The following DAB1 variants were observed in gnomAD, a reference collection of about 807,000 sequenced individuals.
DAB1 encodes disabled homolog 1.
DAB1 carries 15 observed loss-of-function variants against 64.6 expected under a neutral mutation model. The ratio of observed to expected loss-of-function variants is 0.23; its 90% CI spans 0.16 to 0.36. The LOEUF (loss-of-function observed/expected upper bound fraction) is 0.36, where lower values mean the gene tolerates loss of function less well. DAB1 is among the 10% of genes least tolerant of loss of function. The probability of loss-of-function intolerance (pLI) is 1.00; values close to 1 mark genes in which losing one functional copy is unlikely to be tolerated. For synonymous variants in DAB1, 235 were observed against 251.9 expected (o/e 0.93, Z 0.64); for missense variants, 596 against 706.7 (o/e 0.84, Z 1.78).
intron 7 of DAB1, among the ~76,000 whole-genome samples, chr1:57,464,804 A>G (rs1472035946): frequency 6.6e-6 from 1 of 152,162 alleles, no homozygotes; most frequent in Non-Finnish European, 1.5e-5. Flanking sequence ...CATTTGTTGT[A>G]CTGCAGGGAA....
At chr1:57,279,710 C>T (rs999562752) in intron 2 of DAB1, among the ~76,000 whole-genome samples, 25 of 152,202 alleles carry the variant, frequency 1.6e-4, no homozygotes, top group African/African-American at 6.0e-4. Context: ...GCTGATTGTA[C>T]ATTTCAATTT....
intron 1 of DAB1, chr1:57,864,652 AAATT>A (rs920650211): frequency 2.1e-5 from 3 of 144,092 alleles, no homozygotes; most frequent in Non-Finnish European, 3.1e-5. Flanking sequence ...TTTTTTAAAA[AAATT>A]TATTTATTTA....
chr1:57,787,483 T>A (rs2101853042), intron 6 of DAB1, among the ~76,000 whole-genome samples: 1 of 152,108 alleles, frequency 6.6e-6, no homozygotes, highest in South Asian at 2.1e-4. Context: ...GGAAAAAACA[T>A]GACAAACTCA....
chr1:57,351,402 G>C (rs1678581443), intron 1 of DAB1, among the ~76,000 whole-genome samples: 1 of 152,088 alleles, frequency 6.6e-6, no homozygotes, highest in South Asian at 2.1e-4. Context: ...GCTGTATCAG[G>C]TTTTGAAACA....
intron 6 of DAB1, among the ~76,000 whole-genome samples, chr1:57,737,447 G>A (rs1053275712): frequency 2.6e-5 from 4 of 152,158 alleles, no homozygotes; most frequent in Admixed American, 6.5e-5. Flanking sequence ...CCCTTTGCAC[G>A]TCTCAGTTTC....
intron 2 of DAB1, among the ~76,000 whole-genome samples, chr1:57,218,767 G>A (rs546492913): frequency 1.3e-5 from 2 of 152,256 alleles, no homozygotes; most frequent in South Asian, 4.2e-4. Flanking sequence ...GTCCTCAAGA[G>A]AGCTGGGTGC....
chr1:57,697,601 A>G (rs1227969038), intron 6 of DAB1, among the ~76,000 whole-genome samples: 1 of 152,182 alleles, frequency 6.6e-6, no homozygotes, highest in East Asian at 1.9e-4. Flanking sequence ...GACCTAAGAT[A>G]ATACAGACTT....
chr1:58,546,505 G>GCCCCT (rs1377295291), intron 1 of DAB1: 7 of 8,448 alleles, frequency 8.3e-4, no homozygotes, highest in African/African-American at 2.9e-3. Flanking sequence ...GGCGCCCCCC[G>GCCCCT]CCCCTCCCCT....
intron 3 of DAB1, among the ~76,000 whole-genome samples, chr1:58,459,498 C>A (rs935212717): frequency 6.6e-6 from 1 of 152,204 alleles, no homozygotes; most frequent in Non-Finnish European, 1.5e-5. Flanking sequence ...GGCGTCTACA[C>A]AAGGCTCTCC....
At chr1:57,643,060 T>C (rs971409468) in intron 7 of DAB1, among the ~76,000 whole-genome samples, 11 of 152,186 alleles carry the variant, frequency 7.2e-5, no homozygotes, top group Admixed American at 5.2e-4. Context: ...TGTTCACATA[T>C]AAATGTGTGC....
intron 2 of DAB1, among the ~76,000 whole-genome samples, chr1:57,243,481 GT>G (rs11341421): frequency 0.043 from 6,551 of 152,124 alleles, 201 homozygotes; most frequent in South Asian, 0.083. Flanking sequence ...ATGCATGTGT[GT>G]GTGTATGCAC....
chr1:58,426,978 C>A (rs144004331), intron 3 of DAB1, among the ~76,000 whole-genome samples: 2 of 152,258 alleles, frequency 1.3e-5, no homozygotes, highest in Non-Finnish European at 2.9e-5. Context: ...GAGGTGAGGG[C>A]ATATTCACCT....
At chr1:57,939,267 C>T (rs888700786) in intron 5 of DAB1, among the ~76,000 whole-genome samples, 5 of 152,112 alleles carry the variant, frequency 3.3e-5, no homozygotes, top group Non-Finnish European at 7.3e-5. Flanking sequence ...GGACGCTCCA[C>T]CCTCATGACT....
chr1:57,151,470 A>G (rs1379393806), intron 2 of DAB1, among the ~76,000 whole-genome samples: 1 of 152,176 alleles, frequency 6.6e-6, no homozygotes, highest in Non-Finnish European at 1.5e-5. Flanking sequence ...AAACCACAAC[A>G]GCAACAACAG....
intron 5 of DAB1, among the ~76,000 whole-genome samples, chr1:57,937,851 G>A (rs572835077): frequency 6.6e-6 from 1 of 152,166 alleles, no homozygotes; most frequent in Non-Finnish European, 1.5e-5. Context: ...GTCTGATGTG[G>A]TTCCTCTGTT....
intron 5 of DAB1, among the ~76,000 whole-genome samples, chr1:58,040,983 C>T (rs1162910514): frequency 6.6e-6 from 1 of 152,176 alleles, no homozygotes; most frequent in Admixed American, 6.5e-5. Flanking sequence ...CTTCATCAGA[C>T]CTATGCATCA....
chr1:57,666,571 G>T (rs946251129), intron 6 of DAB1, among the ~76,000 whole-genome samples: 1 of 152,118 alleles, frequency 6.6e-6, no homozygotes, highest in African/African-American at 2.4e-5. Flanking sequence ...AATTGCAACT[G>T]CATTCTACAG....
At chr1:57,215,203 T>A (rs1168014387) in intron 2 of DAB1, among the ~76,000 whole-genome samples, 1 of 152,128 alleles carries the variant, frequency 6.6e-6, no homozygotes, top group East Asian at 1.9e-4. Context: ...CTCACTGTGA[T>A]GAATGCATAA....
chr1:58,453,741 G>T (rs1645163509), intron 3 of DAB1, among the ~76,000 whole-genome samples: 4 of 152,158 alleles, frequency 2.6e-5, no homozygotes, highest in Admixed American at 2.0e-4. Flanking sequence ...ATTCTTGGCT[G>T]TATGGAGGAA....
Sources: gnomAD v4.1 joint callset for allele counts (sites outside exome capture counted in the v4.1 genomes callset) on GRCh38, gnomAD v4.1.1 for gene constraint, MANE v1.5 for transcripts, NCBI Gene and HGNC (gene_info 2026-07-23, HGNC 2026-07-21) for gene names.